EYS: variants seen among roughly 807,000 people sequenced by gnomAD.
EYS encodes the protein protein eyes shut homolog.
A neutral mutation model predicts 282.1 loss-of-function variants in EYS; 250 were observed. The ratio of observed to expected loss-of-function variants is 0.89; its 90% CI spans 0.80 to 0.98. The LOEUF (loss-of-function observed/expected upper bound fraction) is 0.98. EYS is among the 50% of genes least tolerant of loss of function. The pLI is 0.00. For missense variants in EYS, 4,016 were observed against 3,709.0 expected (o/e 1.08, Z -2.15); for synonymous variants, 1,355 against 1,282.9 (o/e 1.06, Z -1.20).
At chr6:64,391,708 C>A (rs902812698) in intron 28 of EYS, among the ~76,000 whole-genome samples, 69 of 152,138 alleles carry the variant, frequency 4.5e-4, no homozygotes, top group African/African-American at 1.5e-3. Context: ...TAGGAAGAAA[C>A]TGCATCAACT....
chr6:64,609,368 G>C (rs1467238268), intron 24 of EYS, among the ~76,000 whole-genome samples: 1 of 152,140 alleles, frequency 6.6e-6, no homozygotes, highest in Non-Finnish European at 1.5e-5. Flanking sequence ...TTAAAGTGTA[G>C]CATGTGCAAA....
At chr6:64,088,800 A>T (rs140849464) in intron 31 of EYS, among the ~76,000 whole-genome samples, 8 of 152,124 alleles carry the variant, frequency 5.3e-5, no homozygotes, top group Non-Finnish European at 1.2e-4. Flanking sequence ...GCAGAATAAA[A>T]GTTAGTGATT....
At chr6:65,529,557 T>C (rs953188280) in intron 2 of EYS, among the ~76,000 whole-genome samples, 1 of 152,176 alleles carries the variant, frequency 6.6e-6, no homozygotes, top group South Asian at 2.1e-4. Context: ...TAATTTCTTA[T>C]ATACGTTTTC....
chr6:65,206,240 C>A (rs1766030722), intron 12 of EYS, among the ~76,000 whole-genome samples: 1 of 151,380 alleles, frequency 6.6e-6, no homozygotes, highest in Admixed American at 6.6e-5. Context: ...AAAAGATCAC[C>A]AAAGATTAGT....
At chr6:64,246,221 T>G (rs1767016766) in intron 30 of EYS, among the ~76,000 whole-genome samples, 1 of 151,748 alleles carries the variant, frequency 6.6e-6, no homozygotes, top group South Asian at 2.1e-4. Flanking sequence ...TCCTTCTTTC[T>G]GTTTTATCGG....
intron 22 of EYS, among the ~76,000 whole-genome samples, chr6:64,751,246 G>T (rs1443349388): frequency 6.6e-6 from 1 of 152,156 alleles, no homozygotes; most frequent in Non-Finnish European, 1.5e-5. Context: ...AGCTTAAGCT[G>T]CCCCACCCCT....
chr6:65,548,066 T>G (rs1167133726), intron 2 of EYS, among the ~76,000 whole-genome samples: 1 of 152,172 alleles, frequency 6.6e-6, no homozygotes, highest in Non-Finnish European at 1.5e-5. Flanking sequence ...CCCAGGCCCC[T>G]GAACTTTGAC....
intron 26 of EYS, among the ~76,000 whole-genome samples, chr6:64,505,650 T>G (rs1036691534): frequency 6.6e-6 from 1 of 152,194 alleles, no homozygotes; most frequent in Non-Finnish European, 1.5e-5. Context: ...CATTGAGTTG[T>G]CATGTACAGG....
chr6:64,315,734 T>C (rs1769929721), intron 29 of EYS, among the ~76,000 whole-genome samples: 2 of 151,684 alleles, frequency 1.3e-5, no homozygotes, highest in Non-Finnish European at 2.9e-5. Context: ...AGCATCATCC[T>C]GATACGAAAA....
intron 41 of EYS, among the ~76,000 whole-genome samples, chr6:63,757,073 T>C (rs1474240730): frequency 6.6e-6 from 1 of 152,164 alleles, no homozygotes; most frequent in South Asian, 2.1e-4. Flanking sequence ...AAGGTCTGAC[T>C]GCCTGCAGGG....
chr6:64,570,722 A>G (rs951357893), intron 26 of EYS, among the ~76,000 whole-genome samples: 2 of 152,224 alleles, frequency 1.3e-5, no homozygotes, highest in African/African-American at 2.4e-5. Context: ...CAATGCAACT[A>G]GAAGAGCTAA....
intron 29 of EYS, among the ~76,000 whole-genome samples, chr6:64,361,453 TGAA>T (rs1469352768): frequency 6.6e-6 from 1 of 151,756 alleles, no homozygotes; most frequent in African/African-American, 2.4e-5. Flanking sequence ...CAGCTTAATT[TGAA>T]GAAGATAATA....
chr6:64,538,206 G>C (rs1383441199), intron 26 of EYS, among the ~76,000 whole-genome samples: 1 of 152,156 alleles, frequency 6.6e-6, no homozygotes, highest in Non-Finnish European at 1.5e-5. Context: ...ATTTAAGCTT[G>C]AGGTATGTTG....
At chr6:63,765,815 C>T (rs369780318) in intron 40 of EYS, among the ~76,000 whole-genome samples, 29 of 152,096 alleles carry the variant, frequency 1.9e-4, no homozygotes, top group Non-Finnish European at 3.4e-4. Flanking sequence ...TTCTCAGCCT[C>T]TAGTGACCAT....
chr6:64,073,164 C>T (rs1393436298), intron 32 of EYS, among the ~76,000 whole-genome samples: 1 of 151,822 alleles, frequency 6.6e-6, no homozygotes, highest in Non-Finnish European at 1.5e-5. Flanking sequence ...TAGTTCTCTT[C>T]ACAGTCTGCT....
intron 22 of EYS, among the ~76,000 whole-genome samples, chr6:64,678,369 G>A (rs1023367475): frequency 1.3e-5 from 2 of 152,212 alleles, no homozygotes; most frequent in Middle Eastern, 3.4e-3. Context: ...CCTGAGGTCC[G>A]GAGTTTGAGG....
chr6:64,411,353 AG>A (rs1773883686), intron 28 of EYS, among the ~76,000 whole-genome samples: 1 of 152,144 alleles, frequency 6.6e-6, no homozygotes, highest in African/African-American at 2.4e-5. Context: ...ATTAGGTTAA[AG>A]TCTCTCAAAT....
chr6:65,419,809 T>C (rs1015103155), intron 5 of EYS, among the ~76,000 whole-genome samples: 1 of 151,926 alleles, frequency 6.6e-6, no homozygotes. Context: ...TGCAGGTAGG[T>C]TTCCAGATCA....
intron 2 of EYS, among the ~76,000 whole-genome samples, chr6:65,533,011 TAAA>T (rs994549949): frequency 6.6e-6 from 1 of 152,002 alleles, no homozygotes; most frequent in Non-Finnish European, 1.5e-5. Context: ...TTTTTAATAA[TAAA>T]AAAGGATAAA....
Sources: gnomAD v4.1 joint callset for allele counts (sites outside exome capture counted in the v4.1 genomes callset) on GRCh38, gnomAD v4.1.1 for gene constraint, MANE v1.5 for transcripts, NCBI Gene and HGNC (gene_info 2026-07-23, HGNC 2026-07-21) for gene names.